Variants in LMNTD1 observed in about 807,000 individuals in gnomAD.
LMNTD1 encodes the protein lamin tail domain-containing protein 1.
In LMNTD1, 35 loss-of-function variants were observed where a neutral mutation model predicts 50.9. The observed-to-expected ratio is 0.69, with a 90% confidence interval of 0.53 to 0.91. The LOEUF (loss-of-function observed/expected upper bound fraction) is 0.91. Ranked by LOEUF, LMNTD1 falls within the 40% of genes least tolerant of loss-of-function variation. The pLI is 0.00. For synonymous variants in LMNTD1, 153 were observed against 161.9 expected (o/e 0.94, Z 0.42); for missense variants, 470 against 475.5 (o/e 0.99, Z 0.11).
chr12:25,512,009 T>G (rs1197481240), intron 8 of LMNTD1, among the ~76,000 whole-genome samples: 1 of 152,224 alleles, frequency 6.6e-6, no homozygotes, highest in Non-Finnish European at 1.5e-5. Context: ...CTCTCGTCTT[T>G]TCATAAATAT....
At chr12:25,523,662 A>C (rs1449235325) in intron 6 of LMNTD1, among the ~76,000 whole-genome samples, 1 of 152,206 alleles carries the variant, frequency 6.6e-6, no homozygotes, top group Non-Finnish European at 1.5e-5. Context: ...ATGAAAATGA[A>C]TTTATTAGAA....
At chr12:25,526,254 G>A (rs780509582) in intron 5 of LMNTD1, 36 bp from the exon 6 acceptor site, 1 of 1,595,842 alleles carries the variant, frequency 6.3e-7, no homozygotes, top group Non-Finnish European at 8.5e-7. Flanking sequence ...TGCCACTGGA[G>A]TTGAACACAA....
At chr12:25,539,811 A>G (rs1435999319) in intron 4 of LMNTD1, among the ~76,000 whole-genome samples, 1 of 139,294 alleles carries the variant, frequency 7.2e-6, no homozygotes, top group African/African-American at 2.6e-5. Context: ...GGATCAACAA[A>G]ATTGATAGAC....
At chr12:25,582,895 T>C (rs1945355508) in intron 1 of LMNTD1, among the ~76,000 whole-genome samples, 1 of 152,218 alleles carries the variant, frequency 6.6e-6, no homozygotes, top group Admixed American at 6.5e-5. Context: ...TTGTCCAGGC[T>C]GGAGTGCAGT....
chr12:25,582,437 C>T (rs1945331772), intron 1 of LMNTD1: 1 of 152,174 alleles, frequency 6.6e-6, no homozygotes, highest in Non-Finnish European at 1.5e-5. Context: ...ATAAGTCTGT[C>T]TCCAAATGGT....
intron 1 of LMNTD1, among the ~76,000 whole-genome samples, chr12:25,608,637 CT>C (rs1482600612): frequency 6.6e-6 from 1 of 152,192 alleles, no homozygotes; most frequent in Non-Finnish European, 1.5e-5. Context: ...AAATTATTTT[CT>C]TTAAGAATGT....
intron 8 of LMNTD1, among the ~76,000 whole-genome samples, chr12:25,510,930 A>ATT (rs1940227215): frequency 3.9e-5 from 6 of 152,298 alleles, no homozygotes; most frequent in African/African-American, 1.4e-4. Flanking sequence ...AGTGCAATAA[A>ATT]TGCTTTGCTT....
At chr12:25,493,671 G>C (rs1262735547) in intron 9 of LMNTD1, among the ~76,000 whole-genome samples, 1 of 152,156 alleles carries the variant, frequency 6.6e-6, no homozygotes, top group African/African-American at 2.4e-5. Flanking sequence ...ATTTAGAAAG[G>C]CAAGATCAAG....
intron 3 of LMNTD1, 116 bp downstream of exon 3, chr12:25,549,210 T>C (rs2136238898): frequency 1.7e-6 from 1 of 592,750 alleles, no homozygotes; most frequent in East Asian, 2.9e-5. Flanking sequence ...GCTAGGAAGT[T>C]AGCATTTTGG....
At chr12:25,477,945 C>T (rs978276839) in intron 9 of LMNTD1, among the ~76,000 whole-genome samples, 4 of 151,902 alleles carry the variant, frequency 2.6e-5, no homozygotes, top group African/African-American at 7.3e-5. Flanking sequence ...ACTTGGAGTC[C>T]GATATTTGAG....
chr12:25,551,416 GTCTC>G (rs893497149), intron 2 of LMNTD1, among the ~76,000 whole-genome samples: 10 of 151,886 alleles, frequency 6.6e-5, no homozygotes, highest in Non-Finnish European at 1.5e-4. Flanking sequence ...ATGAGACAGG[GTCTC>G]TCTCTGTCAT....
intron 8 of LMNTD1, among the ~76,000 whole-genome samples, chr12:25,516,487 ATAAAT>A (rs1940785388): frequency 2.0e-5 from 3 of 152,232 alleles, no homozygotes; most frequent in Admixed American, 1.3e-4. Flanking sequence ...AAAGAAAAAC[ATAAAT>A]TAATGTATTT....
At chr12:25,563,839 C>T (rs1042712703) in intron 1 of LMNTD1, among the ~76,000 whole-genome samples, 10 of 152,316 alleles carry the variant, frequency 6.6e-5, no homozygotes, top group African/African-American at 2.4e-4. Context: ...CAAGCCTCAG[C>T]AATGGTGGGC....
intron 4 of LMNTD1, among the ~76,000 whole-genome samples, chr12:25,530,987 G>A (rs573258134): frequency 6.6e-6 from 1 of 152,194 alleles, no homozygotes; most frequent in Non-Finnish European, 1.5e-5. Context: ...ATCCAAGCAC[G>A]AGAAGGATTC....
chr12:25,514,959 G>A (rs1940644051), intron 8 of LMNTD1, among the ~76,000 whole-genome samples: 1 of 151,960 alleles, frequency 6.6e-6, no homozygotes, highest in South Asian at 2.1e-4. Flanking sequence ...TATGTTGGTG[G>A]GAGTATAAAT....
chr12:25,506,413 A>G (rs1266691191), intron 8 of LMNTD1, among the ~76,000 whole-genome samples: 4 of 152,206 alleles, frequency 2.6e-5, no homozygotes, highest in Non-Finnish European at 5.9e-5. Flanking sequence ...GCATTCAACC[A>G]TGAACAAATA....
At chr12:25,536,074 A>G (rs1011141729) in intron 4 of LMNTD1, among the ~76,000 whole-genome samples, 2 of 152,200 alleles carry the variant, frequency 1.3e-5, no homozygotes, top group African/African-American at 4.8e-5. Flanking sequence ...ACAAAGCTTT[A>G]GAATACATGA....
intron 1 of LMNTD1, among the ~76,000 whole-genome samples, chr12:25,594,842 T>C (rs1945806587): frequency 6.6e-6 from 1 of 151,966 alleles, no homozygotes; most frequent in Non-Finnish European, 1.5e-5. Context: ...GAGACTCACC[T>C]AACACATAAG....
At chr12:25,622,762 T>C (rs1946503403) in intron 1 of LMNTD1, among the ~76,000 whole-genome samples, 1 of 152,020 alleles carries the variant, frequency 6.6e-6, no homozygotes, top group Admixed American at 6.6e-5. Flanking sequence ...GAAGCTCAAC[T>C]ATGAAAACAA....
Sources: allele counts gnomAD v4.1 joint callset (sites outside exome capture counted in the v4.1 genomes callset), GRCh38; gene constraint gnomAD v4.1.1; transcripts MANE v1.5; gene names NCBI Gene and HGNC (gene_info 2026-07-23, HGNC 2026-07-21).